The following OPRK1 variants were observed in gnomAD, a reference collection of about 807,000 sequenced individuals.
OPRK1 encodes kappa-type opioid receptor.
OPRK1 carries 15 observed loss-of-function variants against 24.5 expected under a neutral mutation model. That is an observed-to-expected ratio of 0.61 (90% confidence interval 0.41 to 0.94). OPRK1 has a LOEUF of 0.94. OPRK1 is among the 40% of genes least tolerant of loss of function. The pLI is 0.00. For missense variants in OPRK1, 479 were observed against 507.3 expected (o/e 0.94, Z 0.54); for synonymous variants, 205 against 198.0 (o/e 1.04, Z -0.30).
intron 3 of OPRK1, among the ~76,000 whole-genome samples, chr8:53,230,739 C>T (rs1481061902): frequency 2.6e-5 from 4 of 152,074 alleles, no homozygotes; most frequent in African/African-American, 4.8e-5. Context: ...ACCAGCTAGC[C>T]CACATTTCCA....
At chr8:53,248,038 C>G (rs1189371186) in intron 2 of OPRK1, among the ~76,000 whole-genome samples, 1 of 121,312 alleles carries the variant, frequency 8.2e-6, no homozygotes, top group Non-Finnish European at 1.8e-5. Flanking sequence ...AGGGTCACAC[C>G]CACATTCACA....
chr8:53,246,861 T>C (rs79744107), intron 2 of OPRK1, among the ~76,000 whole-genome samples: 3,967 of 152,272 alleles, frequency 0.026, 157 homozygotes, highest in African/African-American at 0.091. Flanking sequence ...TAAGGGTAGA[T>C]TTGAATTCAT....
chr8:53,250,102 A>ACACACAC (rs370445740), intron 2 of OPRK1, among the ~76,000 whole-genome samples: 5,248 of 144,710 alleles, frequency 0.036, 131 homozygotes, highest in South Asian at 0.11. Flanking sequence ...CACACACACA[A>ACACACAC]ATAAAACCTT....
At chr8:53,232,073 G>A (rs1049556151) in intron 3 of OPRK1, among the ~76,000 whole-genome samples, 4 of 152,148 alleles carry the variant, frequency 2.6e-5, no homozygotes, top group African/African-American at 9.7e-5. Context: ...AGAGAGTGCT[G>A]AGGCAATCAT....
chr8:53,243,984 G>C (rs1807174666), intron 2 of OPRK1, among the ~76,000 whole-genome samples: 1 of 152,102 alleles, frequency 6.6e-6, no homozygotes, highest in African/African-American at 2.4e-5. Flanking sequence ...ACACTTAGGA[G>C]AATGTGGAAC....
chr8:53,238,602 C>A (rs1317078610), intron 2 of OPRK1: 2 of 985,310 alleles, frequency 2.0e-6, no homozygotes, highest in African/African-American at 3.5e-5. Flanking sequence ...TAGAAATGCT[C>A]CCCAGTGACA....
chr8:53,250,462 A>G (rs1245735444), intron 2 of OPRK1, among the ~76,000 whole-genome samples: 1 of 152,088 alleles, frequency 6.6e-6, no homozygotes, highest in East Asian at 1.9e-4. Flanking sequence ...TGTTGTCAGC[A>G]CCCTGGCACC....
At position 53,239,854 on chromosome 8, in the gene OPRK1, G is replaced by A. The variant is rs577370904; in HGVS notation, c.258-4743C>T. ...ACTTTCTTCTGAAGAGAAAAAGTTT[G>A]AGAAAACGTCTTAGAAATACTCTCA... is the stretch of plus-strand genomic sequence containing the variant. On this transcript the variant is annotated intron_variant, in intron 2 of 3. Coordinates refer to ENST00000265572, the MANE Select transcript of OPRK1 (RefSeq NM_000912.5). 7.9e-5 allele frequency among the ~76,000 whole-genome samples: 12 copies of A among 152,276 alleles called. 1 individual carries two copies. In the East Asian group the frequency reaches 2.1e-3, roughly 27 times the overall value.
intron 3 of OPRK1, among the ~76,000 whole-genome samples, chr8:53,231,335 T>G (rs1387941100): frequency 6.6e-6 from 1 of 152,106 alleles, no homozygotes; most frequent in East Asian, 1.9e-4. Context: ...CTATTCTGGG[T>G]TTTGACTTGT....
Position 53,250,069 on chromosome 8 carries a change from CCACACA to C in OPRK1, c.257+706_257+711del, listed in dbSNP as rs369426050. 4.2e-3 allele frequency among the ~76,000 whole-genome samples: 548 copies of C among 130,494 alleles called. 1 individual carries two copies. The highest frequency in any genetic ancestry group is 0.018 in the East Asian group (70 of 3,978). The allele number at this position is 130,494 out of a possible 152,430, so 85.6% of individuals were successfully genotyped here. A position where few individuals can be genotyped will look rare whatever the true frequency, so the allele number is the denominator to read the frequency against. Reference sequence around the variant, plus strand: ...ATTGGAAGTTGACTTGAAGAAATTTCCACACACACACACACACACACACACACACAC... The same window carrying C: ...ATTGGAAGTTGACTTGAAGAAATTTCCACACACACACACACACACACACAC... On this transcript the variant is annotated intron_variant, in intron 2 of 3. Coordinates refer to ENST00000265572, the MANE Select transcript of OPRK1 (RefSeq NM_000912.5).
chr8:53,240,269 C>T (rs1807084519), intron 2 of OPRK1, among the ~76,000 whole-genome samples: 1 of 151,984 alleles, frequency 6.6e-6, no homozygotes, highest in Admixed American at 6.6e-5. Context: ...AACTTCAGCT[C>T]CAATATAATA....
rs1441184148 is a variant in OPRK1 at position 53,250,993 on chromosome 8, G to A, written c.45C>T (p.Thr15=). The change falls in exon 2 of 4, where the codon ACC becomes ACT. Residue 15 remains threonine, a synonymous_variant. Coordinates refer to ENST00000265572, the MANE Select transcript of OPRK1 (RefSeq NM_000912.5). ...IQIFRGEPGP[T]CAPSACLPPN... ...GGGGCAGGCAGGCGCTCGGGGCGCA[G>A]GTAGGGCCCGGCTCCCCGCGGAAGA... 6 of 1,585,854 alleles carry A rather than the reference G, an allele frequency of 3.8e-6. No individual in the cohort carries two copies. Among genetic ancestry groups the A allele is most frequent in the Admixed American group, 1.8e-5 (1 of 56,312 alleles).
rs763088113 is a variant in OPRK1, at chr8:53,229,399, T to C, written c.1041A>G (p.Pro347=). Residue 347 remains proline, a synonymous_variant, in exon 4 of 4, where the codon CCA becomes CCG. Transcript: ENST00000265572. The stretch of plus-strand genomic sequence containing the variant: ...TCTGCCGCTCCATCCTCATCTTCAG[T>C]GGAAAGCAGAAGTCCCGGAAACACC... ...FKRCFRDFCF[P]LKMRMERQST... is the part of the protein sequence containing the mutation. 10 of 1,614,166 alleles carry C rather than the reference T, an allele frequency of 6.2e-6. No homozygotes were observed. The highest frequency in any genetic ancestry group is 8.5e-6 in the Non-Finnish European group (10 of 1,180,046).
chr8:53,246,842 G>C (rs1807241452), intron 2 of OPRK1, among the ~76,000 whole-genome samples: 3 of 152,186 alleles, frequency 2.0e-5, no homozygotes. Context: ...CAGGTGGAGG[G>C]TTTGGGAATA....
chr8:53,234,874 C>A lies in OPRK1; in HGVS notation c.495G>T (p.Lys165Asn), dbSNP rs1176681186. 1 of 1,614,060 alleles carries A rather than the reference C, an allele frequency of 6.2e-7. No individual in the cohort carries two copies. Among genetic ancestry groups the A allele is most frequent in the Non-Finnish European group, 8.5e-7 (1 of 1,180,040 alleles). The change falls in exon 3 of 4, where the codon AAG (lysine) becomes AAT (asparagine). Residue 165 changes from lysine (K) to asparagine (N), a missense_variant. By Grantham distance (94) the Lys-to-Asn change is moderately conservative. Transcript: ENST00000265572. ...TCAAGGGTGTGCGGAAGTCCAAAGC[C>A]TTCACGGGGTGGCACACGGCAATGT... The part of the protein sequence containing the change: ...DRYIAVCHPV[K>N]ALDFRTPLKA...
intron 3 of OPRK1, among the ~76,000 whole-genome samples, chr8:53,232,378 TAA>T (rs1806876594): frequency 6.6e-6 from 1 of 152,126 alleles, no homozygotes; most frequent in Non-Finnish European, 1.5e-5. Context: ...TCAAAATAAC[TAA>T]AAGAGTGAAA....
intron 2 of OPRK1, among the ~76,000 whole-genome samples, chr8:53,248,111 T>C (rs1807277879): frequency 6.7e-6 from 1 of 149,458 alleles, no homozygotes; most frequent in South Asian, 2.1e-4. Context: ...CATTTGAAGG[T>C]CTCCACAGTG....
intron 3 of OPRK1, among the ~76,000 whole-genome samples, chr8:53,233,709 C>T (rs1806910385): frequency 6.6e-6 from 1 of 152,190 alleles, no homozygotes; most frequent in South Asian, 2.1e-4. Context: ...ACTCCTAGAA[C>T]AGTACCTCTC....
At chr8:53,234,088 C>T (rs568059303) in intron 3 of OPRK1, among the ~76,000 whole-genome samples, 3 of 149,836 alleles carry the variant, frequency 2.0e-5, no homozygotes, top group Non-Finnish European at 4.4e-5. Flanking sequence ...CCCAGCTACT[C>T]GAGAGGCTGA....
Sources: gnomAD v4.1 joint callset for allele counts (sites outside exome capture counted in the v4.1 genomes callset) on GRCh38, gnomAD v4.1.1 for gene constraint, MANE v1.5 for transcripts, NCBI Gene and HGNC (gene_info 2026-07-23, HGNC 2026-07-21) for gene names.